CFAP61: variants seen among roughly 807,000 people sequenced by gnomAD.
CFAP61 encodes the protein cilia and flagella associated protein 61, also known as cilia- and flagella-associated protein 61.
A neutral mutation model predicts 135.6 loss-of-function variants in CFAP61; 107 were observed. That is an observed-to-expected ratio of 0.79 (90% confidence interval 0.67 to 0.93). The LOEUF (loss-of-function observed/expected upper bound fraction) is 0.93. Ranked by LOEUF, CFAP61 falls within the 40% of genes least tolerant of loss-of-function variation. CFAP61 has a pLI of 0.00. For synonymous variants in CFAP61, 575 were observed against 578.5 expected (o/e 0.99, Z 0.09); for missense variants, 1,507 against 1,556.2 (o/e 0.97, Z 0.53).
intron 25 of CFAP61, among the ~76,000 whole-genome samples, chr20:20,307,919 A>G (rs1398647306): frequency 6.6e-6 from 1 of 152,220 alleles, no homozygotes; most frequent in African/African-American, 2.4e-5. Context: ...TGGGCACCCA[A>G]AGCAGCCAAA....
chr20:20,124,451 G>A (rs530655021), intron 8 of CFAP61, among the ~76,000 whole-genome samples: 9 of 151,928 alleles, frequency 5.9e-5, no homozygotes, highest in South Asian at 2.1e-4. Flanking sequence ...ATCATAAAGC[G>A]ATGCTGGATT....
At chr20:20,069,759 G>A (rs1266980258) in intron 2 of CFAP61, 1 of 456,134 alleles carries the variant, frequency 2.2e-6, no homozygotes, top group Non-Finnish European at 4.4e-6. Context: ...TCTCGTTCTT[G>A]TCTGCACTGA....
At chr20:20,319,178 C>T (rs1318706480) in intron 25 of CFAP61, among the ~76,000 whole-genome samples, 2 of 152,148 alleles carry the variant, frequency 1.3e-5, no homozygotes, top group Non-Finnish European at 2.9e-5. Context: ...CTGCATTGCT[C>T]CCCATCTTCC....
intron 18 of CFAP61, among the ~76,000 whole-genome samples, chr20:20,243,375 C>T (rs978529559): frequency 2.0e-5 from 3 of 152,056 alleles, no homozygotes; most frequent in South Asian, 2.1e-4. Context: ...CTGGCCCCTC[C>T]CAAATCTTAT....
chr20:20,340,555 G>A (rs1025542422), intron 25 of CFAP61, among the ~76,000 whole-genome samples: 1 of 152,100 alleles, frequency 6.6e-6, no homozygotes, highest in African/African-American at 2.4e-5. Context: ...TCCCCGACGG[G>A]CAACACAGAG....
chr20:20,091,927 C>T (rs1363098492), intron 7 of CFAP61, among the ~76,000 whole-genome samples: 1 of 152,210 alleles, frequency 6.6e-6, no homozygotes, highest in East Asian at 1.9e-4. Context: ...GGTGATCCGC[C>T]CGCCTTGGCC....
chr20:20,198,128 T>C (rs1446318537), intron 16 of CFAP61, among the ~76,000 whole-genome samples: 1 of 152,154 alleles, frequency 6.6e-6, no homozygotes, highest in Non-Finnish European at 1.5e-5. Context: ...CTAGTTTTTT[T>C]TAGTTTTTGT....
chr20:20,102,595 A>G (rs1464884864), intron 8 of CFAP61, among the ~76,000 whole-genome samples: 1 of 152,134 alleles, frequency 6.6e-6, no homozygotes, highest in African/African-American at 2.4e-5. Flanking sequence ...TATTAAGCCT[A>G]GTACCCATTA....
intron 25 of CFAP61, 38 bp downstream of exon 25, chr20:20,298,424 A>AAT (rs758027222): frequency 7.2e-6 from 11 of 1,529,304 alleles, no homozygotes; most frequent in South Asian, 1.1e-5. Flanking sequence ...GGGAAATACA[A>AAT]ATATATATAT....
chr20:20,207,044 ACT>A (rs1168690405), intron 17 of CFAP61, among the ~76,000 whole-genome samples: 4 of 151,836 alleles, frequency 2.6e-5, no homozygotes, highest in Non-Finnish European at 4.4e-5. Flanking sequence ...CACATTTGAG[ACT>A]ACACTGGTAA....
At chr20:20,127,131 T>G (rs963281096) in intron 8 of CFAP61, among the ~76,000 whole-genome samples, 1 of 151,674 alleles carries the variant, frequency 6.6e-6, no homozygotes, top group African/African-American at 2.4e-5. Flanking sequence ...TCTTGTATCG[T>G]TTTTTGGATT....
At chr20:20,179,493 A>G (rs987443561) in intron 13 of CFAP61, among the ~76,000 whole-genome samples, 1 of 152,190 alleles carries the variant, frequency 6.6e-6, no homozygotes, top group African/African-American at 2.4e-5. Context: ...TTCCTGTTAA[A>G]CTACTATTGA....
chr20:20,054,704 A>G (rs2044158265), intron 1 of CFAP61, among the ~76,000 whole-genome samples: 1 of 151,906 alleles, frequency 6.6e-6, no homozygotes, highest in Non-Finnish European at 1.5e-5. Context: ...AAGTTTGCTA[A>G]CCCCCGTGCT....
chr20:20,240,729 A>G (rs2049961360), intron 18 of CFAP61, among the ~76,000 whole-genome samples: 1 of 152,124 alleles, frequency 6.6e-6, no homozygotes, highest in Admixed American at 6.5e-5. Flanking sequence ...GGTTCTTTGA[A>G]ACATCACTGT....
intron 25 of CFAP61, among the ~76,000 whole-genome samples, chr20:20,316,473 T>A (rs1470286903): frequency 6.6e-6 from 1 of 151,864 alleles, no homozygotes; most frequent in Non-Finnish European, 1.5e-5. Context: ...TATACAGTCA[T>A]GTCATCTGCA....
At chr20:20,119,802 C>T (rs1280336646) in intron 8 of CFAP61, among the ~76,000 whole-genome samples, 3 of 152,146 alleles carry the variant, frequency 2.0e-5, no homozygotes, top group African/African-American at 7.2e-5. Context: ...TACCCTCCAC[C>T]ATCCAGTAGG....
chr20:20,290,251 C>A, intron 23 of CFAP61, 49 bp from the exon 24 acceptor site: 2 of 1,147,778 alleles, frequency 1.7e-6, no homozygotes, highest in Non-Finnish European at 2.7e-6. Context: ...CTCTGTTACT[C>A]ACCTCATTAA....
intron 9 of CFAP61, among the ~76,000 whole-genome samples, chr20:20,144,767 G>T (rs138561056): frequency 1.1e-4 from 16 of 152,164 alleles, no homozygotes; most frequent in African/African-American, 3.6e-4. Flanking sequence ...CTTAAAAGCA[G>T]CCAGGAGTAG....
intron 13 of CFAP61, among the ~76,000 whole-genome samples, chr20:20,174,463 C>T (rs1355520966): frequency 2.0e-5 from 3 of 152,220 alleles, no homozygotes; most frequent in Non-Finnish European, 4.4e-5. Flanking sequence ...CAACAGAAAG[C>T]ATAGATCTCC....
Sources: allele counts gnomAD v4.1 joint callset (sites outside exome capture counted in the v4.1 genomes callset), GRCh38; gene constraint gnomAD v4.1.1; transcripts MANE v1.5; gene names NCBI Gene and HGNC (gene_info 2026-07-23, HGNC 2026-07-21).